NAV3: variants seen among roughly 807,000 people sequenced by gnomAD.
NAV3 encodes neuron navigator 3, also known as pore membrane and/or filament interacting like protein 1.
NAV3 carries 87 observed loss-of-function variants against 244.7 expected under a neutral mutation model. That is an observed-to-expected ratio of 0.36 (90% CI 0.30 to 0.42). NAV3 has a LOEUF of 0.42. Ranked by LOEUF, NAV3 falls within the 20% of genes least tolerant of loss-of-function variation. NAV3 has a pLI of 1.00. For synonymous variants in NAV3, 1,126 were observed against 1,042.2 expected (o/e 1.08, Z -1.55); for missense variants, 2,663 against 2,893.3 (o/e 0.92, Z 1.83).
chr12:77,732,871 C>G (rs1384462854), intron 2 of NAV3, among the ~76,000 whole-genome samples: 1 of 151,918 alleles, frequency 6.6e-6, no homozygotes, highest in African/African-American at 2.4e-5. Context: ...TTGAGAGTAG[C>G]TAAGTAAGGC....
intron 19 of NAV3, among the ~76,000 whole-genome samples, chr12:78,138,986 G>A (rs1956491139): frequency 6.6e-6 from 1 of 152,104 alleles, no homozygotes; most frequent in Non-Finnish European, 1.5e-5. Flanking sequence ...ATGTTCTAAG[G>A]TCATAAACAG....
At chr12:77,914,948 G>A (rs1411116514) in intron 1 of NAV3, among the ~76,000 whole-genome samples, 6 of 151,472 alleles carry the variant, frequency 4.0e-5, no homozygotes, top group African/African-American at 1.5e-4. Context: ...AAAAATCCAA[G>A]CCAAATGCAG....
At chr12:77,645,536 T>TAAAAAAAAAAAAAAAAAAAAAAAAAAA (rs756805711) in intron 2 of NAV3, among the ~76,000 whole-genome samples, 2 of 63,012 alleles carry the variant, frequency 3.2e-5, no homozygotes, top group African/African-American at 1.5e-4. Flanking sequence ...TCTCTCTCTC[T>TAAAAAAAAAAAAAAAAAAAAAAAAAAA]AAAAAAAAAA....
chr12:77,612,943 T>C (rs117694696), intron 2 of NAV3, among the ~76,000 whole-genome samples: 5,480 of 152,126 alleles, frequency 0.036, 186 homozygotes, highest in African/African-American at 0.085. Flanking sequence ...TTTCCCCCTT[T>C]TGCTCAGCAC....
chr12:78,054,347 T>G (rs1181036726), intron 11 of NAV3, among the ~76,000 whole-genome samples: 1 of 152,182 alleles, frequency 6.6e-6, no homozygotes, highest in African/African-American at 2.4e-5. Context: ...ACATGAATAT[T>G]TAAAGATAAT....
chr12:77,638,117 T>C (rs1872237662), intron 2 of NAV3, among the ~76,000 whole-genome samples: 2 of 152,220 alleles, frequency 1.3e-5, no homozygotes, highest in African/African-American at 4.8e-5. Flanking sequence ...TTGAGAAACA[T>C]AGTGTAGCTA....
intron 1 of NAV3, among the ~76,000 whole-genome samples, chr12:77,840,011 T>G (rs1875353735): frequency 6.6e-6 from 1 of 152,142 alleles, no homozygotes; most frequent in South Asian, 2.1e-4. Flanking sequence ...AGGTGGAGGT[T>G]GTAGTGAGCC....
intron 7 of NAV3, among the ~76,000 whole-genome samples, chr12:78,002,008 C>A (rs1008444211): frequency 1.3e-5 from 2 of 152,254 alleles, no homozygotes; most frequent in South Asian, 4.2e-4. Flanking sequence ...CGAAGTAAAC[C>A]AAATACCTGT....
intron 2 of NAV3, among the ~76,000 whole-genome samples, chr12:77,695,459 T>G (rs989044949): frequency 2.6e-5 from 4 of 152,276 alleles, no homozygotes; most frequent in Non-Finnish European, 4.4e-5. Context: ...GAGTTCACTT[T>G]AGGTGTGTGA....
intron 1 of NAV3, among the ~76,000 whole-genome samples, chr12:77,916,879 A>G (rs890589383): frequency 6.6e-6 from 1 of 151,980 alleles, no homozygotes; most frequent in Non-Finnish European, 1.5e-5. Flanking sequence ...GTGAAATATT[A>G]AAAAAATACC....
At chr12:78,002,551 C>A (rs1342845139) in intron 7 of NAV3, among the ~76,000 whole-genome samples, 1 of 152,058 alleles carries the variant, frequency 6.6e-6, no homozygotes, top group African/African-American at 2.4e-5. Flanking sequence ...TAAATTTGGG[C>A]AGCTTATTCA....
At chr12:77,626,672 A>T (rs1484066359) in intron 2 of NAV3, among the ~76,000 whole-genome samples, 4 of 152,142 alleles carry the variant, frequency 2.6e-5, no homozygotes, top group Non-Finnish European at 5.9e-5. Flanking sequence ...GAAGAAAAAA[A>T]ACCTGCTAGC....
At chr12:77,834,939 T>A (rs117698316) in intron 1 of NAV3, among the ~76,000 whole-genome samples, 3,330 of 152,066 alleles carry the variant, frequency 0.022, 61 homozygotes, top group Non-Finnish European at 0.033. Context: ...GGTAGTTATA[T>A]TAGAGAGAAT....
At chr12:77,850,500 T>A (rs1383258478) in intron 1 of NAV3, among the ~76,000 whole-genome samples, 1 of 152,242 alleles carries the variant, frequency 6.6e-6, no homozygotes, top group African/African-American at 2.4e-5. Flanking sequence ...CATATTCTTC[T>A]TGCTTTCTTT....
At chr12:78,034,641 G>C (rs958333309) in intron 9 of NAV3, among the ~76,000 whole-genome samples, 1 of 152,146 alleles carries the variant, frequency 6.6e-6, no homozygotes, top group Non-Finnish European at 1.5e-5. Context: ...AATCTGTAAG[G>C]CTTTAGGGTA....
chr12:77,896,503 G>T (rs1884645418), intron 1 of NAV3, among the ~76,000 whole-genome samples: 1 of 152,122 alleles, frequency 6.6e-6, no homozygotes. Context: ...ATAAATAATT[G>T]ATGTGGAAAA....
intron 20 of NAV3, among the ~76,000 whole-genome samples, chr12:78,141,803 G>T (rs1956627691): frequency 6.6e-6 from 1 of 152,122 alleles, no homozygotes; most frequent in Non-Finnish European, 1.5e-5. Flanking sequence ...AAGACTTAGT[G>T]TTCCTCCTGT....
At chr12:77,728,374 G>A (rs1194047090) in intron 2 of NAV3, among the ~76,000 whole-genome samples, 2 of 151,844 alleles carry the variant, frequency 1.3e-5, no homozygotes, top group African/African-American at 4.8e-5. Context: ...ACTTGCAAGA[G>A]TGTGAAAAGT....
chr12:77,844,918 A>G (rs1876355585), intron 1 of NAV3, among the ~76,000 whole-genome samples: 1 of 152,186 alleles, frequency 6.6e-6, no homozygotes, highest in Non-Finnish European at 1.5e-5. Context: ...TGGGATTAGG[A>G]CAAGAATAGC....
Sources: gnomAD v4.1 joint callset for allele counts (sites outside exome capture counted in the v4.1 genomes callset) on GRCh38, gnomAD v4.1.1 for gene constraint, MANE v1.5 for transcripts, NCBI Gene and HGNC (gene_info 2026-07-23, HGNC 2026-07-21) for gene names.